COL22A1: variants seen among roughly 807,000 people sequenced by gnomAD.
COL22A1 encodes collagen alpha-1(XXII) chain.
A neutral mutation model predicts 248.9 loss-of-function variants in COL22A1; 221 were observed. The observed-to-expected ratio is 0.89, with a 90% CI of 0.80 to 0.99. COL22A1 has a LOEUF of 0.99. Ranked by LOEUF, COL22A1 falls within the 50% of genes least tolerant of loss-of-function variation. The pLI is 0.00. For synonymous variants in COL22A1, 891 were observed against 793.4 expected, an observed-to-expected ratio of 1.12 and a Z score of -2.07; for missense variants, 2,240 against 2,179.0, an observed-to-expected ratio of 1.03 and a Z score of -0.56.
rs753791756 is a variant in COL22A1, at chr8:138,720,737, A to G, written c.2355+2T>C. ...AATGGGAAAAAGAGGCAAAGTCCAT[A>G]CCCGAAGGCCTGGTTTTCCAGGCAG... On this transcript the variant is annotated splice_donor_variant, in intron 27 of 64. Transcript: ENST00000303045. LOFTEE classifies it high-confidence loss of function. 90 of 1,612,992 alleles carry G rather than the reference A, an allele frequency of 5.6e-5. 1 individual carries two copies. The highest frequency in any genetic ancestry group is 5.5e-4 in the South Asian group (50 of 91,048).
chr8:138,775,313 A>G (rs929809585), intron 16 of COL22A1, among the ~76,000 whole-genome samples: 2 of 151,920 alleles, frequency 1.3e-5, no homozygotes. Flanking sequence ...CATCCCCACC[A>G]CTCCCCAGGG....
intron 16 of COL22A1, among the ~76,000 whole-genome samples, chr8:138,770,578 T>C (rs12547352): frequency 0.49 from 74,290 of 151,916 alleles, 19,185 homozygotes; most frequent in African/African-American, 0.65. Flanking sequence ...TCCCACCCCA[T>C]GTTGGGCAAG....
At chr8:138,885,013 C>A (rs73353906) in intron 1 of COL22A1, among the ~76,000 whole-genome samples, 1,792 of 95,310 alleles carry the variant, frequency 0.019, 27 homozygotes, top group African/African-American at 0.048. Flanking sequence ...TATGTGTGTG[C>A]ACGCACACAC....
At chr8:138,606,522 T>C (rs1818439981) in intron 57 of COL22A1, 70 bp from the exon 58 acceptor site, 4 of 1,442,660 alleles carry the variant, frequency 2.8e-6, no homozygotes, top group Non-Finnish European at 3.8e-6. Context: ...GGAAACCTTG[T>C]GACCACTCTG....
At position 138,895,069 on chromosome 8, in the gene COL22A1, A is replaced by G. The variant is rs566134142; in HGVS notation, c.-72-11825T>C. On this transcript the variant is annotated intron_variant, in intron 1 of 64. Coordinates refer to ENST00000303045, the MANE Select transcript of COL22A1 (RefSeq NM_152888.3). ...GCAAGAACCTTTCTCTTAAAAAAAAAAAAAGAAAAGAAAAGAAAAAAAAAC... is the reference window on the plus strand; with the variant it reads ...GCAAGAACCTTTCTCTTAAAAAAAAGAAAAGAAAAGAAAAGAAAAAAAAAC... 2.3e-3 allele frequency among the ~76,000 whole-genome samples: 327 copies of G among 145,140 alleles called. 2 individuals carry two copies. The highest frequency in any genetic ancestry group is 8.2e-3 in the African/African-American group (309 of 37,752).
intron 3 of COL22A1, among the ~76,000 whole-genome samples, chr8:138,871,198 C>T (rs1205230534): frequency 6.6e-6 from 1 of 152,146 alleles, no homozygotes; most frequent in Non-Finnish European, 1.5e-5. Flanking sequence ...ACATGTGTGG[C>T]TGTGTCTTCA....
intron 4 of COL22A1, among the ~76,000 whole-genome samples, chr8:138,842,852 C>T (rs1235024844): frequency 6.6e-6 from 1 of 152,158 alleles, no homozygotes; most frequent in African/African-American, 2.4e-5. Flanking sequence ...GGTGCCCCAC[C>T]TCGAGAATAT....
At chr8:138,694,938 G>A in intron 32 of COL22A1, 59 bp from the exon 33 acceptor site, 1 of 1,555,016 alleles carries the variant, frequency 6.4e-7, no homozygotes, top group Admixed American at 1.7e-5. Flanking sequence ...CTCGTCACAG[G>A]GTACATGTCC....
intron 51 of COL22A1, among the ~76,000 whole-genome samples, chr8:138,624,915 GTGTGGGGACTCAAGGC>G (rs1820114510): frequency 6.6e-6 from 1 of 152,214 alleles, no homozygotes; most frequent in Non-Finnish European, 1.5e-5. Flanking sequence ...TGCTCACTAT[GTGTGGGGACTCAAGGC>G]TAAACAAAAG....
At chr8:138,837,967 G>A (rs1400601785) in intron 4 of COL22A1, among the ~76,000 whole-genome samples, 3 of 152,154 alleles carry the variant, frequency 2.0e-5, no homozygotes, top group African/African-American at 7.2e-5. Context: ...GTCACCTTGA[G>A]GAGGGGCACA....
intron 30 of COL22A1, among the ~76,000 whole-genome samples, chr8:138,709,784 A>C (rs1469989853): frequency 6.6e-6 from 1 of 152,228 alleles, no homozygotes; most frequent in Non-Finnish European, 1.5e-5. Flanking sequence ...CTTAAAGTAT[A>C]ATAAAAAAGG....
At chr8:138,634,032 T>C (rs549198392) in intron 49 of COL22A1, among the ~76,000 whole-genome samples, 50 of 152,210 alleles carry the variant, frequency 3.3e-4, no homozygotes, top group Admixed American at 8.5e-4. Context: ...ATTTACCTTT[T>C]TGTGAGTTTG....
At position 138,840,099 on chromosome 8, in the gene COL22A1, T is replaced by G. The variant is rs374664650; in HGVS notation, c.733+3985A>C. 1.6e-3 allele frequency among the ~76,000 whole-genome samples: 239 copies of G among 152,220 alleles called. 1 individual carries two copies. The highest frequency in any genetic ancestry group is 5.6e-3 in the African/African-American group (234 of 41,538). ...AGCCAGAGTCATTTATGGGAAAGCC[T>G]GGAGGTGAGGCTTTTGGGGACTGCA... is the stretch of plus-strand genomic sequence containing the variant. On this transcript the variant is annotated intron_variant, in intron 4 of 64. Coordinates refer to ENST00000303045, the MANE Select transcript of COL22A1 (RefSeq NM_152888.3).
chr8:138,815,820 G>T (rs755661988), intron 7 of COL22A1, among the ~76,000 whole-genome samples: 12 of 152,108 alleles, frequency 7.9e-5, no homozygotes, highest in Non-Finnish European at 1.5e-4. Context: ...GTCAGTGGAG[G>T]GGGGAACGCT....
intron 3 of COL22A1, among the ~76,000 whole-genome samples, chr8:138,856,991 G>A (rs961016904): frequency 6.6e-6 from 1 of 151,390 alleles, no homozygotes; most frequent in African/African-American, 2.4e-5. Context: ...CCCCCACCCT[G>A]TGCCTGCCCC....
chr8:138,738,120 T>C (rs538888428), intron 22 of COL22A1, among the ~76,000 whole-genome samples: 2 of 152,326 alleles, frequency 1.3e-5, no homozygotes, highest in Admixed American at 1.3e-4. Context: ...GAGTTGCTGG[T>C]ATCCTTTATA....
intron 3 of COL22A1, among the ~76,000 whole-genome samples, chr8:138,857,839 G>T (rs866017171): frequency 6.6e-6 from 1 of 152,172 alleles, no homozygotes; most frequent in African/African-American, 2.4e-5. Context: ...CCACCAGACC[G>T]CGCCAGGACT....
chr8:138,794,318 C>T (rs1227272294), intron 12 of COL22A1, among the ~76,000 whole-genome samples: 1 of 151,208 alleles, frequency 6.6e-6, no homozygotes. Flanking sequence ...ACCCAGGAGG[C>T]AGAGGTTGCA....
chr8:138,837,615 C>A (rs1211310080), intron 4 of COL22A1, among the ~76,000 whole-genome samples: 1 of 152,208 alleles, frequency 6.6e-6, no homozygotes, highest in Non-Finnish European at 1.5e-5. Context: ...GGGCCTTTGA[C>A]AACCCACCGG....
Sources: gnomAD v4.1 joint callset for allele counts (sites outside exome capture counted in the v4.1 genomes callset) on GRCh38, gnomAD v4.1.1 for gene constraint, MANE v1.5 for transcripts, NCBI Gene and HGNC (gene_info 2026-07-23, HGNC 2026-07-21) for gene names.